Variants in PMPCB observed in about 807,000 individuals in gnomAD.
The protein encoded by PMPCB is peptidase, mitochondrial processing subunit beta.
Under a neutral mutation model 61.5 loss-of-function variants are expected in PMPCB, and 46 were observed. That is an observed-to-expected ratio of 0.75 (90% CI 0.59 to 0.96). PMPCB has a LOEUF of 0.96. Ranked by LOEUF, PMPCB falls within the 40% of genes least tolerant of loss-of-function variation. The pLI is 0.00. For synonymous variants in PMPCB, 191 were observed against 201.6 expected, an observed-to-expected ratio of 0.95 and a Z score of 0.44; for missense variants, 590 against 602.4, an observed-to-expected ratio of 0.98 and a Z score of 0.22.
chr7:103,313,347 G>T lies in PMPCB; in HGVS notation c.*1076G>T. On this transcript the variant is annotated 3_prime_UTR_variant, in exon 13 of 13. Coordinates refer to ENST00000249269, the MANE Select transcript of PMPCB (RefSeq NM_004279.3). ...AAACACAATAGTAAAGATCTACCTT[G>T]TACTGTTTATCTCTTAAAAATCAAT... 1.7e-6 allele frequency: 2 copies of T among 1,186,302 alleles called. No individual in the cohort carries two copies. Among genetic ancestry groups the T allele is most frequent in the East Asian group, 4.0e-5 (1 of 24,740 alleles). The allele number at this position is 1,186,302 out of a possible 1,614,324, so 73.5% of individuals were successfully genotyped here.
rs779296157 is a variant in PMPCB, at chr7:103,304,402, C to G, written c.657-9C>G. On this transcript the variant is annotated splice_polypyrimidine_tract_variant and intron_variant, in intron 5 of 12. Transcript: ENST00000249269. The stretch of plus-strand genomic sequence containing the variant: ...GTTTCCTTTAAAAATTGTTTTACTT[C>G]ATTTACAGATCTATAAGTCGTAAGG... 2 of 1,496,924 alleles carry G rather than the reference C, an allele frequency of 1.3e-6. No individual in the cohort carries two copies. The highest frequency in any genetic ancestry group is 2.8e-5 in the African/African-American group (2 of 71,792). 92.7% of individuals were successfully genotyped at this position (1,496,924 alleles called of 1,614,324 possible).
At chr7:103,347,198 CTTA>C in the PMPCB span, among the ~76,000 whole-genome samples, 574 of 152,288 alleles carry the variant, frequency 3.8e-3, 4 homozygotes, top group African/African-American at 0.014. Context: ...CTTTCCAACA[CTTA>C]TTTTCTGTTT....
At position 103,326,427 on chromosome 7, in the gene PMPCB, G is replaced by A. The variant is rs370368076; in HGVS notation, c.*1432-2504G>A. ...CAGAGAAGGAGGAGGAGGAGGAAGAGACAGTGGAAATAATCTATAAATGAA... is the reference window on the plus strand; with the variant it reads ...CAGAGAAGGAGGAGGAGGAGGAAGAAACAGTGGAAATAATCTATAAATGAA... On this transcript the variant is annotated intron_variant and NMD_transcript_variant, in intron 12 of 12. Transcript: ENST00000444457. The A allele has an allele frequency of 3.3e-5, 34 of 1,028,484 alleles. 1 individual carries two copies. In the Middle Eastern group the frequency reaches 1.6e-3, roughly 49 times the overall value. The allele number at this position is 1,028,484 out of a possible 1,614,324, so 63.7% of individuals were successfully genotyped here. A position where few individuals can be genotyped will look rare whatever the true frequency, so the allele number is the denominator to read the frequency against.
chr7:103,315,702 G>T, downstream of PMPCB: 1 of 1,106,474 alleles, frequency 9.0e-7, no homozygotes, highest in Non-Finnish European at 1.4e-6. Flanking sequence ...CCTAAGTCTT[G>T]TACGTCCAAG....
In PMPCB at chr7:103,313,208, C is replaced by A; in HGVS notation, c.*937C>A. 6.8e-7 allele frequency: 1 copy of A among 1,470,430 alleles called. No individual in the cohort carries two copies. Among genetic ancestry groups the A allele is most frequent in the South Asian group, 1.5e-5 (1 of 67,860 alleles). The allele number at this position is 1,470,430 out of a possible 1,614,324, so 91.1% of individuals were successfully genotyped here. ...GTGCCCATTTCAATCTGGGATGTGT[C>A]ATTTTGAAAATAAACTTGTAGAGAT... On this transcript the variant is annotated 3_prime_UTR_variant, in exon 13 of 13. Coordinates refer to ENST00000249269, the MANE Select transcript of PMPCB (RefSeq NM_004279.3).
downstream of PMPCB, among the ~76,000 whole-genome samples, chr7:103,317,985 A>G (rs1818164814): frequency 6.6e-6 from 1 of 152,226 alleles, no homozygotes; most frequent in South Asian, 2.1e-4. Context: ...TCTTGTAACT[A>G]GTTACATCTA....
chr7:103,301,966 G>C (rs561334554), intron 4 of PMPCB, among the ~76,000 whole-genome samples: 1 of 152,090 alleles, frequency 6.6e-6, no homozygotes, highest in South Asian at 2.1e-4. Context: ...ACCACCCCAC[G>C]ACAGGCTCCG....
chr7:103,310,924 A>T (rs911989566), intron 9 of PMPCB: 1 of 152,350 alleles, frequency 6.6e-6, no homozygotes, highest in African/African-American at 2.4e-5. Context: ...TGACCTCAGG[A>T]GATCCACCCT....
chr7:103,315,276 C>T (rs777314382), downstream of PMPCB, among the ~76,000 whole-genome samples: 1 of 151,642 alleles, frequency 6.6e-6, no homozygotes, highest in African/African-American at 2.4e-5. Context: ...TCCCTGTATA[C>T]TCTGCCTACA....
intron 12 of PMPCB, chr7:103,323,552 GAGA>G (rs1818537224): frequency 7.1e-7 from 1 of 1,408,734 alleles, no homozygotes; most frequent in Admixed American, 3.0e-5. Flanking sequence ...ACAAATACCA[GAGA>G]ACCAAATAAA....
Position 103,300,244 on chromosome 7 carries a change from G to A in PMPCB, c.394G>A (p.Ala132Thr). ...TGAAAATATGGGTGCTCATCTCAATGCCTATACCTCCAGAGAGCAGACTGT... is the reference window on the plus strand; with the variant it reads ...TGAAAATATGGGTGCTCATCTCAATACCTATACCTCCAGAGAGCAGACTGT... ...EIENMGAHLN[A>T]YTSREQTVYY... Residue 132 changes from alanine (A) to threonine (T), a missense_variant, in exon 4 of 13, where the codon GCC becomes ACC. Ala to Thr is a moderately conservative substitution (Grantham distance 58, BLOSUM62 0). Transcript: ENST00000249269. 1 of 1,611,230 alleles carries A rather than the reference G, an allele frequency of 6.2e-7. No homozygotes were observed. Among genetic ancestry groups the A allele is most frequent in the South Asian group, 1.1e-5 (1 of 90,970 alleles).
chr7:103,337,787 C>T, the PMPCB span: 1 of 1,613,274 alleles, frequency 6.2e-7, no homozygotes, highest in Non-Finnish European at 8.5e-7. Context: ...TGGCCAAGTC[C>T]AAGAACTGCA....
intron 8 of PMPCB, 97 bp from the exon 9 acceptor site, chr7:103,310,215 GCCT>G: frequency 1.2e-6 from 1 of 822,660 alleles, no homozygotes; most frequent in South Asian, 1.6e-5. Flanking sequence ...CTAGGAAACA[GCCT>G]CTAAGGATAT....
At chr7:103,298,742 C>G (rs774793340) in intron 2 of PMPCB, 34 bp downstream of exon 2, 3 of 1,588,900 alleles carry the variant, frequency 1.9e-6, no homozygotes, top group Admixed American at 1.8e-5. Flanking sequence ...CTAAGTGACC[C>G]TTCATTTAGC....
exon 13 of PMPCB, chr7:103,329,034 T>A: frequency 1.6e-6 from 2 of 1,247,830 alleles, no homozygotes; most frequent in African/African-American, 1.6e-5. Flanking sequence ...TACCACAGCC[T>A]CAGCCACAGT....
At chr7:103,329,597 A>G (rs1199130676), downstream of PMPCB, 1 of 152,130 alleles carries the variant, frequency 6.6e-6, no homozygotes, top group Non-Finnish European at 1.5e-5. Context: ...TGGAATTTTA[A>G]TATAGTCAAG....
chr7:103,300,859 AT>A (rs2115627376), intron 4 of PMPCB, among the ~76,000 whole-genome samples: 1 of 152,052 alleles, frequency 6.6e-6, no homozygotes, highest in Non-Finnish European at 1.5e-5. Context: ...TAGTTTTTAT[AT>A]TTTTAGTAGA....
intron 12 of PMPCB, among the ~76,000 whole-genome samples, chr7:103,325,620 C>A (rs1586089517): frequency 1.3e-5 from 2 of 152,272 alleles, no homozygotes; most frequent in African/African-American, 4.8e-5. Context: ...CAGAATCTTT[C>A]CAGGTGGAAC....
Position 103,311,854 on chromosome 7 carries a change from T to C in PMPCB, c.1287T>C (p.Tyr429=). 6.2e-7 allele frequency: 1 copy of C among 1,613,264 alleles called. No homozygotes were observed. The highest frequency in any genetic ancestry group is 1.7e-5 in the Admixed American group (1 of 59,976). ...CEDIGRQMLC[Y]NRRIPIPELE... is the part of the protein sequence containing the mutation. ...ATATTGGTAGGCAAATGTTATGCTA[T>C]AATAGAAGGATTCCCATCCCTGAGC... Residue 429 remains tyrosine (Y), a synonymous_variant, in exon 11 of 13, where the codon TAT becomes TAC. Transcript: ENST00000249269.
Sources: gnomAD v4.1 joint callset for allele counts (sites outside exome capture counted in the v4.1 genomes callset) on GRCh38, gnomAD v4.1.1 for gene constraint, MANE v1.5 for transcripts, NCBI Gene and HGNC (gene_info 2026-07-23, HGNC 2026-07-21) for gene names.